The following GPI variants were observed in gnomAD, a reference collection of about 807,000 sequenced individuals.
The protein encoded by GPI is glucose-6-phosphate isomerase, also known as D-hexose-6-phosphate anomerase.
A neutral mutation model predicts 75.8 loss-of-function variants in GPI; 56 were observed. That is an observed-to-expected ratio of 0.74 (90% CI 0.60 to 0.92). GPI has a LOEUF of 0.92. Ranked by LOEUF, GPI falls within the 40% of genes least tolerant of loss-of-function variation. The pLI is 0.00. For missense variants in GPI, 638 were observed against 741.0 expected, an observed-to-expected ratio of 0.86 and a Z score of 1.61; for synonymous variants, 288 against 285.4, an observed-to-expected ratio of 1.01 and a Z score of -0.09.
chr19:34,369,055 T>C (rs1437552795), intron 4 of GPI, among the ~76,000 whole-genome samples: 1 of 147,488 alleles, frequency 6.8e-6, no homozygotes, highest in African/African-American at 2.5e-5. Context: ...TCTTTTTTCT[T>C]TTTTTTTTTT....
chr19:34,395,774 C>T (rs1351239646), intron 12 of GPI, among the ~76,000 whole-genome samples: 1 of 152,080 alleles, frequency 6.6e-6, no homozygotes, highest in East Asian at 1.9e-4. Context: ...GTGTGCAGGT[C>T]CACCTCACGG....
chr19:34,393,202 C>G lies in GPI; in HGVS notation c.805-46C>G. 7.1e-7 allele frequency: 1 copy of G among 1,415,702 alleles called. No individual in the cohort carries two copies. 87.7% of individuals were successfully genotyped at this position (1,415,702 alleles called of 1,614,324 possible). On this transcript the variant is annotated intron_variant, in intron 9 of 17. Transcript: ENST00000356487. The surrounding 1 kb of genome is among the most constrained non-coding windows in gnomAD (Gnocchi z 4.4). The stretch of plus-strand genomic sequence containing the variant: ...AGGGTTTCCGGCAGGAGGTGGGGGG[C>G]GGGGTGTGCCGGCCCTCCCTCAGCA...
upstream of GPI, among the ~76,000 whole-genome samples, chr19:34,362,917 C>T (rs774220189): frequency 2.0e-5 from 3 of 152,258 alleles, no homozygotes; most frequent in South Asian, 2.1e-4. Context: ...GGTAGAAACA[C>T]GGGTGGGAGA....
At position 34,366,680 on chromosome 19, in the gene GPI, T is replaced by G; in HGVS notation, c.214-103T>G. ...AGGGGAGGGAACCAGACAGCAGCCG[T>G]CTGTCTGTCTCATTGGGGACAGCAC... On this transcript the variant is annotated intron_variant, in intron 2 of 17. Transcript: ENST00000356487. 3 of 837,776 alleles carry G rather than the reference T, an allele frequency of 3.6e-6. No individual in the cohort carries two copies. In the East Asian group the frequency reaches 7.3e-5, roughly 20 times the overall value. The allele number at this position is 837,776 out of a possible 1,614,324, so 51.9% of individuals were successfully genotyped here.
In GPI at chr19:34,378,132, T is replaced by C. The variant is rs542648135; in HGVS notation, c.633+251T>C. 2.4e-4 allele frequency among the ~76,000 whole-genome samples: 37 copies of C among 152,342 alleles called. No homozygotes were observed. The East Asian group carries it at 7.0e-3, about 29-fold the overall frequency. On this transcript the variant is annotated intron_variant, in intron 6 of 17. Transcript: ENST00000356487. ...GACCACACCCGCTCGCCTTGCGGCA[T>C]CTCTGCTCAGCCTGGGACTGCTCGC...
Position 34,366,775 on chromosome 19 carries a change from C to G in GPI, c.214-8C>G. 2.5e-6 allele frequency: 4 copies of G among 1,609,808 alleles called. No homozygotes were observed. The highest frequency in any genetic ancestry group is 3.4e-6 in the Non-Finnish European group (4 of 1,177,132). ...GTGGGACCAGGCCTCAGTATCGTCTCTTCCTAGGCCAAGTCCAGGGGCGTG... is the reference window on the plus strand; with the variant it reads ...GTGGGACCAGGCCTCAGTATCGTCTGTTCCTAGGCCAAGTCCAGGGGCGTG... On this transcript the variant is annotated splice_region_variant and splice_polypyrimidine_tract_variant and intron_variant, in intron 2 of 17. Transcript: ENST00000356487.
upstream of GPI, among the ~76,000 whole-genome samples, chr19:34,363,817 T>TCAAA (rs759339126): frequency 5.3e-5 from 8 of 152,076 alleles, no homozygotes; most frequent in Non-Finnish European, 8.8e-5. Context: ...AGACTCCATC[T>TCAAA]CAAACAAACA....
At chr19:34,366,076 A>C in intron 1 of GPI, 1 of 664,592 alleles carries the variant, frequency 1.5e-6, no homozygotes, top group Non-Finnish European at 2.8e-6. Context: ...AGCCCTGGGA[A>C]GGGGTGGTCC....
At chr19:34,375,625 C>A (rs954194596) in intron 4 of GPI, among the ~76,000 whole-genome samples, 1 of 152,206 alleles carries the variant, frequency 6.6e-6, no homozygotes, top group African/African-American at 2.4e-5. Context: ...GTGTCCCATA[C>A]ACAGGAAGCG....
intron 4 of GPI, among the ~76,000 whole-genome samples, chr19:34,373,557 C>CAAA (rs538891535): frequency 1.6e-5 from 1 of 63,200 alleles, no homozygotes; most frequent in Non-Finnish European, 3.3e-5. Flanking sequence ...ATTCCATCTC[C>CAAA]AAAAAAAAAA....
At position 34,401,537 on chromosome 19, in the gene GPI, G is replaced by A. The variant is rs958648950; in HGVS notation, c.*1501G>A. ...CGCCCAGCAAGGCGGGTCTTGCTGTGTTTCCCAGACTAGACTGGTCTTGAA... is the reference window on the plus strand; with the variant it reads ...CGCCCAGCAAGGCGGGTCTTGCTGTATTTCCCAGACTAGACTGGTCTTGAA... On this transcript the variant is annotated 3_prime_UTR_variant, in exon 18 of 18. Transcript: ENST00000356487. 10 of 151,836 alleles carry A rather than the reference G, an allele frequency of 6.6e-5. No individual in the cohort carries two copies. Among genetic ancestry groups the A allele is most frequent in the African/African-American group, 2.4e-4 (10 of 41,286 alleles). 9.4% of individuals were successfully genotyped at this position (151,836 alleles called of 1,614,324 possible). A position where few individuals can be genotyped will look rare whatever the true frequency, so the allele number is the denominator to read the frequency against.
At chr19:34,398,952 G>A (rs1269035201) in intron 14 of GPI, 5 of 345,800 alleles carry the variant, frequency 1.4e-5, no homozygotes, top group Admixed American at 4.1e-5. Flanking sequence ...TGGTCCATCC[G>A]CCTCGGCCTC....
chr19:34,377,926 G>T, intron 6 of GPI, 45 bp downstream of exon 6: 1 of 1,601,508 alleles, frequency 6.2e-7, no homozygotes, highest in Non-Finnish European at 8.6e-7. Context: ...TGTGTGTGTT[G>T]GGGTGGGGAG....
At chr19:34,397,966 A>G (rs1446300696) in intron 14 of GPI, 2 of 151,514 alleles carry the variant, frequency 1.3e-5, no homozygotes, top group African/African-American at 2.4e-5. Flanking sequence ...AGCTCACTAC[A>G]GCCTTGAACT....
intron 4 of GPI, among the ~76,000 whole-genome samples, chr19:34,371,876 C>T (rs1336536843): frequency 6.6e-6 from 1 of 150,860 alleles, no homozygotes; most frequent in Non-Finnish European, 1.5e-5. Context: ...AAAAAAGACA[C>T]ATTTTTCCTC....
chr19:34,390,028 TCGGTCAAGCCCAGATATGACCCACTGGG>T (rs2074798182), intron 9 of GPI, among the ~76,000 whole-genome samples: 1 of 152,054 alleles, frequency 6.6e-6, no homozygotes, highest in Non-Finnish European at 1.5e-5. Context: ...GCCGAGAAGA[TCGGTCAAGCCCAGATATGACCCACTGGG>T]CCTGTCAGTG....
rs552456612 is a variant in GPI at position 34,374,326 on chromosome 19, G to C, written c.403-3177G>C. 2.0e-5 allele frequency among the ~76,000 whole-genome samples: 3 copies of C among 152,140 alleles called. No individual in the cohort carries two copies. In the South Asian group the frequency reaches 6.2e-4, roughly 32 times the overall value. On this transcript the variant is annotated intron_variant, in intron 4 of 17. Coordinates refer to ENST00000356487, the MANE Select transcript of GPI (RefSeq NM_000175.5). ...AATACCCCGTTGGTGTTACAGATCAGCTCTGGTCATCATGGGAAGGGACTG... is the reference window on the plus strand; with the variant it reads ...AATACCCCGTTGGTGTTACAGATCACCTCTGGTCATCATGGGAAGGGACTG...
At chr19:34,370,255 C>T (rs565667934) in intron 4 of GPI, among the ~76,000 whole-genome samples, 34 of 152,220 alleles carry the variant, frequency 2.2e-4, no homozygotes, top group Non-Finnish European at 3.7e-4. Context: ...CAGACATCCT[C>T]ACGTCTGGAG....
chr19:34,363,761 A>C (rs2074317093), upstream of GPI, among the ~76,000 whole-genome samples: 1 of 152,194 alleles, frequency 6.6e-6, no homozygotes. Context: ...TGGAGGTTGC[A>C]GTGAGCTGAG....
Sources: allele counts gnomAD v4.1 joint callset (sites outside exome capture counted in the v4.1 genomes callset), GRCh38; gene constraint gnomAD v4.1.1; non-coding constraint Gnocchi (gnomAD v3.1); transcripts MANE v1.5; gene names NCBI Gene and HGNC (gene_info 2026-07-23, HGNC 2026-07-21).